The following OR10J1 variants were observed in gnomAD, a reference collection of about 807,000 sequenced individuals.
OR10J1 encodes the protein olfactory receptor 10J1.
For synonymous variants in OR10J1, 202 were observed against 143.8 expected, an observed-to-expected ratio of 1.40 and a Z score of -2.89; for missense variants, 474 against 376.6, an observed-to-expected ratio of 1.26 and a Z score of -2.14.
At chr1:159,415,704 A>T in the OR10J1 span, among the ~76,000 whole-genome samples, 2 of 152,054 alleles carry the variant, frequency 1.3e-5, no homozygotes. Context: ...TTAATTTTAA[A>T]CGATATGACT....
At chr1:159,405,788 C>T in the OR10J1 span, 2 of 1,352,478 alleles carry the variant, frequency 1.5e-6, no homozygotes, top group Non-Finnish European at 2.1e-6. Context: ...TTGATTATCT[C>T]ATTGACAGTG....
At chr1:159,406,226 T>G in the OR10J1 span, 853 of 528,178 alleles carry the variant, frequency 1.6e-3, 9 homozygotes, top group African/African-American at 0.014. Flanking sequence ...CGAGTAATGG[T>G]CACAATAATC....
At chr1:159,403,557 C>T in the OR10J1 span, among the ~76,000 whole-genome samples, 1 of 152,098 alleles carries the variant, frequency 6.6e-6, no homozygotes, top group East Asian at 1.9e-4. Context: ...ATCAAAACTA[C>T]AGTGAGATAT....
At chr1:159,407,805 G>T in the OR10J1 span, among the ~76,000 whole-genome samples, 2 of 152,004 alleles carry the variant, frequency 1.3e-5, no homozygotes, top group African/African-American at 4.8e-5. Flanking sequence ...ATGTGTCAAG[G>T]TCTATGAATT....
chr1:159,430,346 G>A, the OR10J1 span, among the ~76,000 whole-genome samples: 1 of 152,220 alleles, frequency 6.6e-6, no homozygotes, highest in Non-Finnish European at 1.5e-5. Flanking sequence ...TTTCTTCATA[G>A]CAGTCTCTGA....
At chr1:159,407,625 G>T in the OR10J1 span, among the ~76,000 whole-genome samples, 1 of 152,094 alleles carries the variant, frequency 6.6e-6, no homozygotes, top group Admixed American at 6.6e-5. Context: ...CAGAAACTGT[G>T]CATGAATACA....
At chr1:159,414,759 G>A in the OR10J1 span, among the ~76,000 whole-genome samples, 1 of 151,740 alleles carries the variant, frequency 6.6e-6, no homozygotes, top group Non-Finnish European at 1.5e-5. Flanking sequence ...ATTAATTTTA[G>A]TAATAGCCAT....
the OR10J1 span, chr1:159,405,583 G>T: frequency 2.5e-6 from 1 of 395,670 alleles, no homozygotes. Context: ...GAAACTCTGG[G>T]ACTTAAGCTT....
the OR10J1 span, among the ~76,000 whole-genome samples, chr1:159,428,271 T>C: frequency 6.6e-6 from 1 of 152,156 alleles, no homozygotes; most frequent in African/African-American, 2.4e-5. Context: ...CGTCAATACA[T>C]TTTTCTCCTT....
At chr1:159,398,337 C>A in the OR10J1 span, among the ~76,000 whole-genome samples, 1 of 152,182 alleles carries the variant, frequency 6.6e-6, no homozygotes, top group African/African-American at 2.4e-5. Context: ...GATTCCCAGA[C>A]ACTGAAGAAT....
the OR10J1 span, among the ~76,000 whole-genome samples, chr1:159,411,448 T>G: frequency 5.6e-4 from 85 of 152,352 alleles, no homozygotes; most frequent in Non-Finnish European, 7.8e-4. Flanking sequence ...TTTACTATTA[T>G]GCAGTGGCCT....
chr1:159,415,332 T>G, the OR10J1 span, among the ~76,000 whole-genome samples: 1 of 152,122 alleles, frequency 6.6e-6, no homozygotes, highest in Non-Finnish European at 1.5e-5. Flanking sequence ...AAGGTATCCT[T>G]TTCCCAATGC....
chr1:159,419,785 T>G, the OR10J1 span, among the ~76,000 whole-genome samples: 2 of 152,334 alleles, frequency 1.3e-5, no homozygotes, highest in South Asian at 4.1e-4. Context: ...TGCTGATAAA[T>G]GGAATGTGTA....
chr1:159,436,444 C>T (rs189563190), upstream of OR10J1, among the ~76,000 whole-genome samples: 5 of 152,178 alleles, frequency 3.3e-5, no homozygotes, highest in East Asian at 7.7e-4. Flanking sequence ...TGTATCCCTC[C>T]CCTCTGGGCC....
At chr1:159,434,459 C>T (rs1208717525), upstream of OR10J1, among the ~76,000 whole-genome samples, 2 of 152,024 alleles carry the variant, frequency 1.3e-5, no homozygotes, top group Non-Finnish European at 2.9e-5. Flanking sequence ...TGGTGCATCC[C>T]TTTTTCACTC....
At chr1:159,422,764 T>A in the OR10J1 span, among the ~76,000 whole-genome samples, 9 of 152,292 alleles carry the variant, frequency 5.9e-5, no homozygotes, top group African/African-American at 1.9e-4. Flanking sequence ...TTTCGAACCT[T>A]ACTAGGGTTG....
rs370846871 is a variant in OR10J1 at position 159,440,621 on chromosome 1, A to G, written c.830A>G (p.Tyr277Cys). Residue 277 changes from tyrosine to cysteine, a missense_variant, in exon 1 of 1, where the codon TAC (tyrosine) becomes TGC (cysteine). Tyr to Cys is a radical substitution (Grantham distance 194). Transcript: ENST00000423932. ...REHDQLISVTYTVITPLLNPV... is the reference protein window; with the variant it reads ...REHDQLISVTCTVITPLLNPV... ...CATGACCAGCTGATCTCGGTGACCT[A>G]CACTGTCATCACTCCCCTACTGAAC... 172 of 1,613,686 alleles carry G rather than the reference A, an allele frequency of 1.1e-4. No homozygotes were observed. Among genetic ancestry groups the G allele is most frequent in the Non-Finnish European group, 1.4e-4 (168 of 1,179,954 alleles).
chr1:159,434,804 T>C (rs148371190), upstream of OR10J1, among the ~76,000 whole-genome samples: 327 of 152,238 alleles, frequency 2.1e-3, 3 homozygotes, highest in African/African-American at 7.4e-3. Flanking sequence ...CCCTGGCACA[T>C]GGAAAGCTCT....
chr1:159,398,399 A>G, the OR10J1 span, among the ~76,000 whole-genome samples: 1 of 152,226 alleles, frequency 6.6e-6, no homozygotes, highest in Non-Finnish European at 1.5e-5. Flanking sequence ...ACCTTACCAA[A>G]TTAACTAAAT....
Sources: allele counts gnomAD v4.1 joint callset (sites outside exome capture counted in the v4.1 genomes callset), GRCh38; gene constraint gnomAD v4.1.1; transcripts MANE v1.5; gene names NCBI Gene and HGNC (gene_info 2026-07-23, HGNC 2026-07-21).